Variants in NFATC1 observed in about 807,000 individuals in gnomAD.
NFATC1 encodes nuclear factor of activated T cells 1, also known as nuclear factor of activated T-cells, cytoplasmic 1.
A neutral mutation model predicts 76.0 loss-of-function variants in NFATC1; 22 were observed. The ratio of observed to expected loss-of-function variants is 0.29; its 90% confidence interval spans 0.21 to 0.41. NFATC1 has a LOEUF of 0.41. NFATC1 is among the 10% of genes least tolerant of loss of function. NFATC1 has a pLI of 1.00. For missense variants in NFATC1, 1,357 were observed against 1,337.7 expected (o/e 1.01, Z -0.23); for synonymous variants, 704 against 613.1 (o/e 1.15, Z -2.19).
At position 79,474,948 on chromosome 18, in the gene NFATC1, C is replaced by T. The variant is rs1267635479; in HGVS notation, c.2092+7366C>T. Among the ~76,000 whole-genome samples the T allele has an allele frequency of 3.3e-5, 4 of 120,060 alleles. No individual in the cohort carries two copies. The East Asian group carries it at 8.5e-4, about 26-fold the overall frequency. The allele number at this position is 120,060 out of a possible 152,430, so 78.8% of individuals were successfully genotyped here. ...GCTGTCAACGTAAACCTGAGGGAAG[C>T]GTGTTCTCACGCTCACTGTCGACGT... is the stretch of plus-strand genomic sequence containing the variant. On this transcript the variant is annotated intron_variant, in intron 8 of 9. Coordinates refer to ENST00000427363, the MANE Select transcript of NFATC1 (RefSeq NM_001278669.2).
intron 2 of NFATC1, among the ~76,000 whole-genome samples, chr18:79,412,863 G>A (rs2148198976): frequency 1.3e-5 from 2 of 152,322 alleles, no homozygotes; most frequent in Middle Eastern, 6.8e-3. Context: ...CTTGCAGTGG[G>A]CGCATTTACC....
chr18:79,520,610 T>TG (rs1310338541), intron 9 of NFATC1, among the ~76,000 whole-genome samples: 7 of 83,614 alleles, frequency 8.4e-5, no homozygotes, highest in Admixed American at 3.0e-4. Context: ...TCTGTGTGTG[T>TG]GTGGGGGGGG....
chr18:79,497,581 CAA>C (rs2089921206), intron 9 of NFATC1: 1 of 152,172 alleles, frequency 6.6e-6, no homozygotes, highest in African/African-American at 2.4e-5. Context: ...TTGGAGCAAA[CAA>C]GAGCCTGGCC....
intron 9 of NFATC1, among the ~76,000 whole-genome samples, chr18:79,521,597 C>T (rs1247710985): frequency 9.1e-6 from 1 of 109,792 alleles, no homozygotes; most frequent in Non-Finnish European, 1.7e-5. Context: ...GGGGAGCATC[C>T]GCTGATGTGT....
chr18:79,410,375 G>A lies in NFATC1; in HGVS notation c.128-28G>A, dbSNP rs774374187. On this transcript the variant is annotated intron_variant, in intron 1 of 9. Coordinates refer to ENST00000427363, the MANE Select transcript of NFATC1 (RefSeq NM_001278669.2). This position sits in a 1 kb window ranked among gnomAD's most constrained non-coding sequence, Gnocchi z 6.7. ...TGCTTTGTGATGCCCAGCCCCTCAT[G>A]CTCCCATCTGCTTCTTTTTCTCTCT... 3 of 1,576,412 alleles carry A rather than the reference G, an allele frequency of 1.9e-6. No individual in the cohort carries two copies. Among genetic ancestry groups the A allele is most frequent in the Non-Finnish European group, 2.6e-6 (3 of 1,162,120 alleles).
chr18:79,423,545 G>C (rs971652519), intron 2 of NFATC1, among the ~76,000 whole-genome samples: 2 of 152,218 alleles, frequency 1.3e-5, no homozygotes, highest in African/African-American at 4.8e-5. Context: ...TGGGAACTGT[G>C]GGTAGGCCAT....
At chr18:79,438,423 C>T (rs764330695) in intron 3 of NFATC1, among the ~76,000 whole-genome samples, 10 of 152,200 alleles carry the variant, frequency 6.6e-5, no homozygotes, top group Non-Finnish European at 4.4e-5. Flanking sequence ...CACGGGGGCA[C>T]GTGGACCTCT....
chr18:79,525,777 C>G (rs888534244), intron 9 of NFATC1, among the ~76,000 whole-genome samples: 3 of 152,242 alleles, frequency 2.0e-5, no homozygotes, highest in African/African-American at 7.2e-5. Context: ...TCCCTTCCCC[C>G]ACAGGTGGGG....
chr18:79,410,410 T>C lies in NFATC1; in HGVS notation c.135T>C (p.Tyr45=), dbSNP rs371005504. The change falls in exon 2 of 10, where the codon TAT becomes TAC. Residue 45 remains tyrosine (Y), a synonymous_variant. Coordinates refer to ENST00000427363, the MANE Select transcript of NFATC1 (RefSeq NM_001278669.2). This position sits in a 1 kb window ranked among gnomAD's most constrained non-coding sequence, Gnocchi z 6.7. The stretch of plus-strand genomic sequence containing the variant: ...GCTTCTTTTTCTCTCTAGAACACTA[T>C]GGCTATGCATCCTCCAACGTCAGCC... ...GTMKSAEEEH[Y]GYASSNVSPA... 23 of 1,608,616 alleles carry C rather than the reference T, an allele frequency of 1.4e-5. No individual in the cohort carries two copies. The African/African-American group carries it at 1.5e-4, about 10-fold the overall frequency.
intron 8 of NFATC1, among the ~76,000 whole-genome samples, chr18:79,472,970 A>G (rs1176221805): frequency 1.3e-5 from 2 of 151,984 alleles, no homozygotes; most frequent in Non-Finnish European, 2.9e-5. Context: ...GACGACCCAC[A>G]CTCCATGCCA....
chr18:79,424,588 T>A (rs1023888187), intron 2 of NFATC1, among the ~76,000 whole-genome samples: 6 of 149,154 alleles, frequency 4.0e-5, no homozygotes, highest in African/African-American at 1.6e-4. Context: ...CATCTCTTTC[T>A]CTGTCTCTCT....
At chr18:79,437,309 C>T (rs998281135) in intron 3 of NFATC1, among the ~76,000 whole-genome samples, 8 of 152,234 alleles carry the variant, frequency 5.3e-5, no homozygotes, top group African/African-American at 1.7e-4. Flanking sequence ...ACTCACCTTG[C>T]CCTGGTAGAA....
chr18:79,416,485 C>T (rs144975983), intron 2 of NFATC1, among the ~76,000 whole-genome samples: 362 of 86,992 alleles, frequency 4.2e-3, no homozygotes, highest in African/African-American at 0.021. Flanking sequence ...TGTCCGCGGG[C>T]GCTGGTGGGC....
chr18:79,470,822 G>A (rs78226032), intron 8 of NFATC1: 15,649 of 152,374 alleles, frequency 0.1, 1,051 homozygotes, highest in Non-Finnish European at 0.15. Context: ...GCATCTGAGT[G>A]CAGGGGGCCC....
intron 9 of NFATC1, among the ~76,000 whole-genome samples, chr18:79,507,425 C>T (rs1367264091): frequency 2.0e-5 from 3 of 152,250 alleles, no homozygotes; most frequent in Non-Finnish European, 4.4e-5. Context: ...TGTGGCTCCC[C>T]ACAGACATGG....
chr18:79,434,734 T>G (rs1333283917), intron 3 of NFATC1, among the ~76,000 whole-genome samples: 1 of 152,170 alleles, frequency 6.6e-6, no homozygotes, highest in East Asian at 1.9e-4. Flanking sequence ...TTTCTTCCAT[T>G]TAGATAAATA....
intron 6 of NFATC1, 97 bp downstream of exon 6, chr18:79,451,913 C>A: frequency 6.9e-7 from 1 of 1,442,350 alleles, no homozygotes. Context: ...TGCACGGTCA[C>A]CGGGACGGGG....
chr18:79,410,348 T>C lies in NFATC1; in HGVS notation c.128-55T>C, dbSNP rs1346402297. On this transcript the variant is annotated intron_variant, in intron 1 of 9. Transcript: ENST00000427363. This position sits in a 1 kb window ranked among gnomAD's most constrained non-coding sequence, Gnocchi z 6.7. ...CTGGCCGGCCCTGAGTTCATGGGTT[T>C]CTGCTTTGTGATGCCCAGCCCCTCA... 1 of 1,548,446 alleles carries C rather than the reference T, an allele frequency of 6.5e-7. No homozygotes were observed. Among genetic ancestry groups the C allele is most frequent in the East Asian group, 2.3e-5 (1 of 44,410 alleles).
At chr18:79,474,012 TCGA>T (rs2088910636) in intron 8 of NFATC1, among the ~76,000 whole-genome samples, 1 of 141,648 alleles carries the variant, frequency 7.1e-6, no homozygotes, top group Admixed American at 7.0e-5. Flanking sequence ...ACACTCACTG[TCGA>T]CGTAAACCTG....
Sources: allele counts gnomAD v4.1 joint callset (sites outside exome capture counted in the v4.1 genomes callset), GRCh38; gene constraint gnomAD v4.1.1; non-coding constraint Gnocchi (gnomAD v3.1); transcripts MANE v1.5; gene names NCBI Gene and HGNC (gene_info 2026-07-23, HGNC 2026-07-21).